FBXL2: variants seen among roughly 807,000 people sequenced by gnomAD.
FBXL2 encodes the protein F-box and leucine rich repeat protein 2, also known as F-box/LRR-repeat protein 2.
In FBXL2, 38 loss-of-function variants were observed where a neutral mutation model predicts 69.2. That is an observed-to-expected ratio of 0.55 (90% CI 0.42 to 0.72). The LOEUF (loss-of-function observed/expected upper bound fraction) is 0.72, where lower values mean the gene tolerates loss of function less well. FBXL2 is among the 30% of genes least tolerant of loss of function. FBXL2 has a pLI of 0.00. For synonymous variants in FBXL2, 192 were observed against 201.3 expected (o/e 0.95, Z 0.39); for missense variants, 354 against 520.3 (o/e 0.68, Z 3.11).
chr3:33,391,434 C>T (rs2043757821), downstream of FBXL2: 1 of 152,200 alleles, frequency 6.6e-6, no homozygotes, highest in Non-Finnish European at 1.5e-5. Flanking sequence ...ATGACCTTAA[C>T]AACTTCTACA....
chr3:33,366,501 T>TA lies in FBXL2; in HGVS notation c.290+1791dup, dbSNP rs1006675773. On this transcript the variant is annotated intron_variant, in intron 5 of 14. Coordinates refer to ENST00000484457, the MANE Select transcript of FBXL2 (RefSeq NM_012157.5). Reference sequence around the variant, plus strand: ...GAGCAACACAGCAAGACCCCATCTCTAAAAAAAAATTAAGTAGCTGGGTGT... The same window carrying TA: ...GAGCAACACAGCAAGACCCCATCTCTAAAAAAAAAATTAAGTAGCTGGGTGT... Among the ~76,000 whole-genome samples, 4 of 150,996 alleles carry TA rather than the reference T, an allele frequency of 2.6e-5. No individual in the cohort carries two copies. In the South Asian group the frequency reaches 6.3e-4, roughly 24 times the overall value.
chr3:33,341,796 C>T (rs13086046), intron 2 of FBXL2, among the ~76,000 whole-genome samples: 2 of 136,298 alleles, frequency 1.5e-5, no homozygotes, highest in Admixed American at 7.7e-5. Context: ...CGCCACTGCT[C>T]TCCAGCCTAG....
chr3:33,414,620 A>G, the FBXL2 span, among the ~76,000 whole-genome samples: 9 of 152,196 alleles, frequency 5.9e-5, no homozygotes, highest in Non-Finnish European at 1.3e-4. Flanking sequence ...AATTTGAAGC[A>G]TATTTTAGGG....
chr3:33,419,688 G>C, the FBXL2 span, among the ~76,000 whole-genome samples: 1 of 150,178 alleles, frequency 6.7e-6, no homozygotes, highest in Admixed American at 6.6e-5. Flanking sequence ...TACGCTTAAA[G>C]TGGTTTCCCT....
At chr3:33,342,249 C>G (rs2040086075) in intron 2 of FBXL2, among the ~76,000 whole-genome samples, 1 of 151,654 alleles carries the variant, frequency 6.6e-6, no homozygotes, top group Admixed American at 6.6e-5. Context: ...TCGTGAGCCT[C>G]CCGCCTCAGC....
downstream of FBXL2, chr3:33,390,119 C>T: frequency 1.8e-6 from 1 of 559,878 alleles, no homozygotes; most frequent in Non-Finnish European, 3.2e-6. Flanking sequence ...GCATGCTGTG[C>T]CGATGTGCTC....
Position 33,387,529 on chromosome 3 carries a change from G to A in FBXL2, c.*1921G>A, listed in dbSNP as rs1370172045. ...AAGCAGGAGAAATGCTGGAACCCAGGAGGCGGAGGTGGCAGTGAGCCGAGA... is the reference window on the plus strand; with the variant it reads ...AAGCAGGAGAAATGCTGGAACCCAGAAGGCGGAGGTGGCAGTGAGCCGAGA... On this transcript the variant is annotated 3_prime_UTR_variant, in exon 15 of 15. Transcript: ENST00000484457. 6.6e-6 allele frequency: 1 copy of A among 152,274 alleles called. No homozygotes were observed. The highest frequency in any genetic ancestry group is 2.4e-5 in the African/African-American group (1 of 41,440). The allele number at this position is 152,274 out of a possible 1,614,324, so 9.4% of individuals were successfully genotyped here.
At chr3:33,371,484 A>G in intron 5 of FBXL2, among the ~76,000 whole-genome samples, 1 of 151,930 alleles carries the variant, frequency 6.6e-6, no homozygotes, top group Non-Finnish European at 1.5e-5. Flanking sequence ...TTTCATATCT[A>G]AAAGTTTAAC....
At chr3:33,343,473 TTAA>T (rs1484792053) in intron 2 of FBXL2, among the ~76,000 whole-genome samples, 2 of 152,032 alleles carry the variant, frequency 1.3e-5, no homozygotes, top group Non-Finnish European at 2.9e-5. Context: ...TAATTTGGCA[TTAA>T]TAATAATGGA....
chr3:33,310,728 C>T (rs1397411239), intron 2 of FBXL2, among the ~76,000 whole-genome samples: 1 of 151,556 alleles, frequency 6.6e-6, no homozygotes, highest in Admixed American at 6.6e-5. Context: ...ACAGCTTTGC[C>T]TGGGTAAAGT....
At chr3:33,314,510 A>C (rs1357166656) in intron 2 of FBXL2, among the ~76,000 whole-genome samples, 1 of 152,194 alleles carries the variant, frequency 6.6e-6, no homozygotes, top group East Asian at 1.9e-4. Context: ...TTATGGCTAG[A>C]GAATATTCTA....
the FBXL2 span, among the ~76,000 whole-genome samples, chr3:33,413,889 T>C: frequency 6.6e-6 from 1 of 152,128 alleles, no homozygotes; most frequent in Admixed American, 6.5e-5. Flanking sequence ...TGGTGGCCCC[T>C]AAGACACCAA....
At chr3:33,403,506 ATCTATCTGTCTG>A (rs1357798806) in exon 13 of FBXL2, 1 of 28,166 alleles carries the variant, frequency 3.6e-5, no homozygotes, top group African/African-American at 7.1e-5. Flanking sequence ...CTATCTATCT[ATCTATCTGTCTG>A]TCTGTCTGGT....
intron 1 of FBXL2, among the ~76,000 whole-genome samples, chr3:33,297,336 G>C (rs560927713): frequency 6.6e-6 from 1 of 152,220 alleles, no homozygotes; most frequent in South Asian, 2.1e-4. Flanking sequence ...CTATATGCAA[G>C]ATCATGTCAT....
At chr3:33,280,888 T>C (rs2033923112) in intron 1 of FBXL2, among the ~76,000 whole-genome samples, 1 of 152,130 alleles carries the variant, frequency 6.6e-6, no homozygotes, top group African/African-American at 2.4e-5. Context: ...TATTTTATCA[T>C]ATAATTTTCC....
intron 12 of FBXL2, among the ~76,000 whole-genome samples, chr3:33,401,970 TGAC>T (rs1246820312): frequency 6.6e-6 from 1 of 152,096 alleles, no homozygotes; most frequent in African/African-American, 2.4e-5. Flanking sequence ...ATAGCCTACA[TGAC>T]AACAAGCTGC....
At chr3:33,300,992 T>C (rs548087605) in intron 2 of FBXL2, among the ~76,000 whole-genome samples, 8 of 152,176 alleles carry the variant, frequency 5.3e-5, no homozygotes, top group Admixed American at 2.6e-4. Context: ...TGTAAGCCAC[T>C]GCGCCCGGCC....
chr3:33,401,539 T>A (rs590876), intron 12 of FBXL2, among the ~76,000 whole-genome samples: 93,546 of 152,076 alleles, frequency 0.62, 29,830 homozygotes, highest in Non-Finnish European at 0.71. Context: ...ACTATCCTTG[T>A]GCTTCTAAGT....
intron 1 of FBXL2, among the ~76,000 whole-genome samples, chr3:33,284,928 CTA>C (rs1232836102): frequency 6.6e-6 from 1 of 152,082 alleles, no homozygotes; most frequent in Non-Finnish European, 1.5e-5. Flanking sequence ...TATTTTGAGC[CTA>C]TGTGTGTCTC....
Sources: allele counts gnomAD v4.1 joint callset (sites outside exome capture counted in the v4.1 genomes callset), GRCh38; gene constraint gnomAD v4.1.1; transcripts MANE v1.5; gene names NCBI Gene and HGNC (gene_info 2026-07-23, HGNC 2026-07-21).